RGL1: variants seen among roughly 807,000 people sequenced by gnomAD.
The protein encoded by RGL1 is ral guanine nucleotide dissociation stimulator like 1.
Under a neutral mutation model 95.2 loss-of-function variants are expected in RGL1, and 24 were observed. That is an observed-to-expected ratio of 0.25 (90% CI 0.18 to 0.35). The LOEUF (loss-of-function observed/expected upper bound fraction) is 0.35, where lower values mean the gene tolerates loss of function less well. RGL1 is among the 10% of genes least tolerant of loss of function. The pLI is 1.00. For synonymous variants in RGL1, 329 were observed against 344.9 expected (o/e 0.95, Z 0.51); for missense variants, 715 against 936.3 (o/e 0.76, Z 3.08).
chr1:183,900,249 T>G lies in RGL1; in HGVS notation c.1317+13T>G, dbSNP rs187779221. The G allele has an allele frequency of 4.7e-4, 762 of 1,608,958 alleles. 2 individuals carry two copies. In the African/African-American group the frequency reaches 7.6e-3, roughly 16 times the overall value. On this transcript the variant is annotated intron_variant, in intron 11 of 17. Coordinates refer to ENST00000360851, the MANE Select transcript of RGL1 (RefSeq NM_001297671.3). ...GGACTACATCGAGGTGAGTTCCATG[T>G]GGGTGGTGTGATCGGGCCTGCAGCC... is the stretch of plus-strand genomic sequence containing the variant.
intron 2 of RGL1, among the ~76,000 whole-genome samples, chr1:183,744,099 T>C (rs538319062): frequency 8.5e-4 from 129 of 152,326 alleles, no homozygotes; most frequent in African/African-American, 3.0e-3. Flanking sequence ...TGCATGCCTT[T>C]CTTTTGGTTA....
In RGL1 at chr1:183,927,928, G is replaced by A. The variant is rs187230156; in HGVS notation, c.*1636G>A. On this transcript the variant is annotated 3_prime_UTR_variant, in exon 18 of 18. Coordinates refer to ENST00000360851, the MANE Select transcript of RGL1 (RefSeq NM_001297671.3). ...CACCAGGGAAAGTTTAGAGATTTGC[G>A]GCAATGGACCGAAGAACGGGCCAGG... The A allele has an allele frequency of 1.3e-5, 2 of 152,638 alleles. No homozygotes were observed. Among genetic ancestry groups the A allele is most frequent in the African/African-American group, 4.8e-5 (2 of 41,534 alleles). 9.5% of individuals were successfully genotyped at this position (152,638 alleles called of 1,614,324 possible). A position where few individuals can be genotyped will look rare whatever the true frequency, so the allele number is the denominator to read the frequency against.
intron 9 of RGL1, among the ~76,000 whole-genome samples, chr1:183,893,629 A>G (rs1383635352): frequency 6.6e-6 from 1 of 152,196 alleles, no homozygotes; most frequent in African/African-American, 2.4e-5. Flanking sequence ...TAAGGTCTTC[A>G]TGACTGTTCC....
rs71130639 is a variant in RGL1, at chr1:183,768,461, C to CTTTT, written c.132+26192_132+26195dup. On this transcript the variant is annotated intron_variant, in intron 2 of 18. Coordinates refer to the RGL1 transcript ENST00000304685. Reference sequence around the variant, plus strand: ...ATAATTTGAACTAACCTTTAGATAACTTTTTTTTTTTTTTTTTTTTTTTGG... The same window carrying CTTTT: ...ATAATTTGAACTAACCTTTAGATAACTTTTTTTTTTTTTTTTTTTTTTTTTTTGG... Among the ~76,000 whole-genome samples, 195 of 83,742 alleles carry CTTTT rather than the reference C, an allele frequency of 2.3e-3. 1 individual carries two copies. Among genetic ancestry groups the CTTTT allele is most frequent in the South Asian group, 4.5e-3 (9 of 1,984 alleles). 54.9% of individuals were successfully genotyped at this position (83,742 alleles called of 152,430 possible).
At chr1:183,723,313 A>G (rs1017432220) in intron 1 of RGL1, among the ~76,000 whole-genome samples, 4 of 152,164 alleles carry the variant, frequency 2.6e-5, no homozygotes, top group East Asian at 3.8e-4. Flanking sequence ...TTTAACAACT[A>G]TCTACCCACA....
intron 2 of RGL1, among the ~76,000 whole-genome samples, chr1:183,781,099 T>C (rs1659880064): frequency 6.6e-6 from 1 of 152,268 alleles, no homozygotes; most frequent in Non-Finnish European, 1.5e-5. Context: ...TAGGACATTT[T>C]GGTTCTTCAT....
At chr1:183,665,064 C>T (rs919198430) in intron 1 of RGL1, among the ~76,000 whole-genome samples, 1 of 151,938 alleles carries the variant, frequency 6.6e-6, no homozygotes. Flanking sequence ...TCCTAGTTTG[C>T]AGAGAGTTTT....
At chr1:183,671,700 T>A (rs747185166) in intron 1 of RGL1, among the ~76,000 whole-genome samples, 1 of 152,216 alleles carries the variant, frequency 6.6e-6, no homozygotes, top group Non-Finnish European at 1.5e-5. Context: ...CAGCTTCTCT[T>A]GTCCCAATTT....
rs1668698455 is a variant in RGL1 at position 183,912,354 on chromosome 1, G to A, written c.1749+86G>A. On this transcript the variant is annotated intron_variant, in intron 15 of 17. Coordinates refer to ENST00000360851, the MANE Select transcript of RGL1 (RefSeq NM_001297671.3). Reference sequence around the variant, plus strand: ...CACAGCAAGGAATGTCTGTTTTTAAGTGGATCACTCTATAGTATTTTGAAA... The same window carrying A: ...CACAGCAAGGAATGTCTGTTTTTAAATGGATCACTCTATAGTATTTTGAAA... 9.0e-6 allele frequency: 10 copies of A among 1,111,252 alleles called. No individual in the cohort carries two copies. In the South Asian group the frequency reaches 1.5e-4, roughly 17 times the overall value. The allele number at this position is 1,111,252 out of a possible 1,614,324, so 68.8% of individuals were successfully genotyped here.
At chr1:183,900,326 G>C in intron 11 of RGL1, 90 bp downstream of exon 11, 3 of 1,001,276 alleles carry the variant, frequency 3.0e-6, no homozygotes, top group Non-Finnish European at 4.7e-6. Context: ...ATCTTTTGAA[G>C]GTCCAAAAGT....
At chr1:183,792,414 A>G (rs1660480491) in intron 2 of RGL1, among the ~76,000 whole-genome samples, 1 of 152,124 alleles carries the variant, frequency 6.6e-6, no homozygotes, top group African/African-American at 2.4e-5. Context: ...TCTTGTTCAC[A>G]GATGAGGATA....
At chr1:183,780,275 T>C (rs1352427578) in intron 2 of RGL1, among the ~76,000 whole-genome samples, 4 of 152,202 alleles carry the variant, frequency 2.6e-5, no homozygotes, top group African/African-American at 9.6e-5. Flanking sequence ...CTCCTTGTCG[T>C]CAAGGGCATC....
chr1:183,720,093 A>G (rs1381542053), intron 1 of RGL1, among the ~76,000 whole-genome samples: 1 of 152,166 alleles, frequency 6.6e-6, no homozygotes, highest in African/African-American at 2.4e-5. Context: ...ATTAGCGTTA[A>G]AAAAATAGAG....
intron 2 of RGL1, among the ~76,000 whole-genome samples, chr1:183,771,040 C>G (rs1659247568): frequency 6.6e-6 from 1 of 152,126 alleles, no homozygotes; most frequent in African/African-American, 2.4e-5. Context: ...GGTTATAAAC[C>G]TTACCTTATC....
At chr1:183,905,547 A>G (rs1668269521) in intron 13 of RGL1, among the ~76,000 whole-genome samples, 1 of 152,244 alleles carries the variant, frequency 6.6e-6, no homozygotes, top group Admixed American at 6.5e-5. Flanking sequence ...GGAAGAGAAC[A>G]TTCCAGACCG....
At chr1:183,735,541 A>C (rs1268247929) in intron 1 of RGL1, among the ~76,000 whole-genome samples, 2 of 152,122 alleles carry the variant, frequency 1.3e-5, no homozygotes, top group African/African-American at 4.8e-5. Flanking sequence ...TATGGAAAGC[A>C]AAAAAAGCAA....
intron 1 of RGL1, among the ~76,000 whole-genome samples, chr1:183,641,213 C>G (rs990979625): frequency 6.6e-6 from 1 of 152,182 alleles, no homozygotes; most frequent in Non-Finnish European, 1.5e-5. Flanking sequence ...TGGCTTACTG[C>G]AGCCTCGACC....
intron 2 of RGL1, among the ~76,000 whole-genome samples, chr1:183,828,572 T>A (rs1663043324): frequency 6.6e-6 from 1 of 152,216 alleles, no homozygotes; most frequent in Non-Finnish European, 1.5e-5. Flanking sequence ...CTCTTGGCTC[T>A]GTCAATTACT....
intron 2 of RGL1, among the ~76,000 whole-genome samples, chr1:183,766,120 A>G (rs1482556897): frequency 6.6e-6 from 1 of 151,908 alleles, no homozygotes; most frequent in Non-Finnish European, 1.5e-5. Context: ...GTTAAACACC[A>G]TCTTGGCCAG....
Sources: gnomAD v4.1 joint callset for allele counts (sites outside exome capture counted in the v4.1 genomes callset) on GRCh38, gnomAD v4.1.1 for gene constraint, MANE v1.5 for transcripts, NCBI Gene and HGNC (gene_info 2026-07-23, HGNC 2026-07-21) for gene names.